Variants in LRRC53 observed in about 807,000 individuals in gnomAD.
The protein encoded by LRRC53 is leucine rich repeat containing 53.
Under a neutral mutation model 13.6 loss-of-function variants are expected in LRRC53, and 25 were observed. The observed-to-expected ratio is 1.83, with a 90% confidence interval of 1.34 to 2.56. LRRC53 has a LOEUF of 2.56. Ranked by LOEUF, LRRC53 falls within the 30% of genes most tolerant of loss-of-function variation. The pLI, the probability that LRRC53 is intolerant of heterozygous loss-of-function variation, is 0.00. For synonymous variants in LRRC53, 204 were observed against 109.8 expected (o/e 1.86, Z -5.37); for missense variants, 527 against 275.8 (o/e 1.91, Z -6.45).
intron 1 of LRRC53, among the ~76,000 whole-genome samples, chr1:74,486,225 G>GAGAGAGAGAC (rs1202403085): frequency 4.6e-5 from 7 of 151,916 alleles, no homozygotes; most frequent in Admixed American, 2.6e-4. Flanking sequence ...GAGAGAGAGA[G>GAGAGAGAGAC]AGAGAGAGGT....
At chr1:74,534,118 G>A in the LRRC53 span, among the ~76,000 whole-genome samples, 1 of 152,110 alleles carries the variant, frequency 6.6e-6, no homozygotes, top group Non-Finnish European at 1.5e-5. Context: ...AAGCTATAAA[G>A]CCTTCTGCAA....
intron 1 of LRRC53, among the ~76,000 whole-genome samples, chr1:74,489,930 G>T (rs187041828): frequency 6.6e-6 from 1 of 151,618 alleles, no homozygotes; most frequent in East Asian, 2.0e-4. Flanking sequence ...ACACATAGAG[G>T]ATCATATATG....
At chr1:74,505,952 G>A (rs574179817) in intron 1 of LRRC53, among the ~76,000 whole-genome samples, 106 of 152,254 alleles carry the variant, frequency 7.0e-4, no homozygotes, top group African/African-American at 2.4e-3. Flanking sequence ...TTGCCACCCT[G>A]ACTTCTCTTT....
chr1:74,521,516 G>GTATATATATATATATACACATATA, the LRRC53 span, among the ~76,000 whole-genome samples: 6 of 150,520 alleles, frequency 4.0e-5, no homozygotes, highest in Admixed American at 2.0e-4. Flanking sequence ...GTGTGTATGT[G>GTATATATATATATATACACATATA]TATATATATA....
In LRRC53 at chr1:74,480,516, G is replaced by A; in HGVS notation, c.541C>T (p.Pro181Ser). 1.4e-6 allele frequency: 1 copy of A among 717,504 alleles called. No homozygotes were observed. Among genetic ancestry groups the A allele is most frequent in the Non-Finnish European group, 2.6e-6 (1 of 385,100 alleles). The allele number at this position is 717,504 out of a possible 1,614,324, so 44.4% of individuals were successfully genotyped here. ...GAAAGGTCCACTTCCTGTAGTTGAG[G>A]CAGGGGCCGGAAGGCATCTTTCCCA... The part of the protein sequence containing the change: ...YIGKDAFRPL[P>S]QLQEVDLSRN... The change falls in exon 3 of 5, where the codon CCT becomes TCT. Residue 181 changes from proline (P) to serine (S), a missense_variant. By Grantham distance (74) the Pro-to-Ser change is moderately conservative (BLOSUM62 -1). Coordinates refer to ENST00000294635, the MANE Select transcript of LRRC53 (RefSeq NM_001382280.1).
intron 1 of LRRC53, among the ~76,000 whole-genome samples, chr1:74,486,373 T>A (rs1026381964): frequency 3.9e-5 from 6 of 152,092 alleles, no homozygotes; most frequent in Non-Finnish European, 7.4e-5. Context: ...TGTAGGAGGG[T>A]TGATCTAATA....
intron 1 of LRRC53, among the ~76,000 whole-genome samples, chr1:74,495,395 T>G (rs774140829): frequency 3.0e-4 from 46 of 152,236 alleles, no homozygotes; most frequent in Non-Finnish European, 5.7e-4. Flanking sequence ...TATCTAGCAG[T>G]ATGATTGGCA....
chr1:74,483,054 C>T (rs921099910), intron 2 of LRRC53, among the ~76,000 whole-genome samples: 2 of 152,170 alleles, frequency 1.3e-5, no homozygotes, highest in South Asian at 2.1e-4. Flanking sequence ...ACTCAGTTAC[C>T]TCTGAAGGTC....
In LRRC53 at chr1:74,491,964, C is replaced by T. The variant is rs1283199570; in HGVS notation, c.-26-8589G>A. The T allele has an allele frequency of 3.0e-6, 4 of 1,312,186 alleles. No homozygotes were observed. In the Admixed American group the frequency reaches 1.0e-4, roughly 34 times the overall value. 81.3% of individuals were successfully genotyped at this position (1,312,186 alleles called of 1,614,324 possible). ...CTAGACTTTTTCCTGAAAGGAAAAG[C>T]CAGGAGCAAGCTGAGTGAATAGAAA... On this transcript the variant is annotated intron_variant, in intron 1 of 4. Transcript: ENST00000294635.
At chr1:74,482,064 T>G (rs916614334) in intron 2 of LRRC53, among the ~76,000 whole-genome samples, 4 of 152,226 alleles carry the variant, frequency 2.6e-5, no homozygotes, top group Admixed American at 2.0e-4. Flanking sequence ...CATTTATGAT[T>G]GATTATTTGG....
intron 2 of LRRC53, among the ~76,000 whole-genome samples, chr1:74,481,833 G>T (rs1037058249): frequency 6.6e-6 from 1 of 152,176 alleles, no homozygotes; most frequent in African/African-American, 2.4e-5. Flanking sequence ...GTGTCATAAG[G>T]ATAGAGGAGT....
At chr1:74,533,347 C>A in the LRRC53 span, among the ~76,000 whole-genome samples, 1 of 152,196 alleles carries the variant, frequency 6.6e-6, no homozygotes, top group African/African-American at 2.4e-5. Flanking sequence ...AAATGCAAAT[C>A]AAAACCACAA....
At chr1:74,481,138 G>A (rs1232886341) in intron 2 of LRRC53, among the ~76,000 whole-genome samples, 170 bp from the exon 3 acceptor site, 1 of 152,116 alleles carries the variant, frequency 6.6e-6, no homozygotes, top group East Asian at 1.9e-4. Flanking sequence ...TTGAGGGGAA[G>A]CTGGCTATAT....
chr1:74,483,186 C>A, intron 2 of LRRC53, 76 bp downstream of exon 2: 1 of 697,104 alleles, frequency 1.4e-6, no homozygotes, highest in Non-Finnish European at 2.7e-6. Flanking sequence ...AGAGAACAGT[C>A]AGTACAATGA....
At chr1:74,495,528 C>T (rs1163198488) in intron 1 of LRRC53, among the ~76,000 whole-genome samples, 2 of 152,268 alleles carry the variant, frequency 1.3e-5, no homozygotes, top group Admixed American at 1.3e-4. Context: ...ACTATTTTCT[C>T]TTTTCTTTCC....
In LRRC53 at chr1:74,480,513, G is replaced by A. The variant is rs773049207; in HGVS notation, c.544C>T (p.Gln182Ter). 1.4e-6 allele frequency: 1 copy of A among 717,528 alleles called. No individual in the cohort carries two copies. The highest frequency in any genetic ancestry group is 1.5e-5 in the South Asian group (1 of 67,604). 44.4% of individuals were successfully genotyped at this position (717,528 alleles called of 1,614,324 possible). ...CGGGAAAGGTCCACTTCCTGTAGTT[G>A]AGGCAGGGGCCGGAAGGCATCTTTC... is the stretch of plus-strand genomic sequence containing the variant. The part of the protein sequence containing the change: ...IGKDAFRPLP[Q>*]LQEVDLSRNR... The change falls in exon 3 of 5, where the codon CAA (glutamine) becomes TAA (stop). Residue 182 changes from glutamine to a stop codon, truncating the protein, a stop_gained. Transcript: ENST00000294635. LOFTEE classifies it high-confidence loss of function.
Position 74,475,698 on chromosome 1 carries a change from G to A in LRRC53, c.1017C>T (p.Pro339=), listed in dbSNP as rs1183727533. 4.2e-6 allele frequency: 3 copies of A among 708,382 alleles called. No individual in the cohort carries two copies. The highest frequency in any genetic ancestry group is 2.7e-5 in the East Asian group (1 of 37,156). The allele number at this position is 708,382 out of a possible 1,614,324, so 43.9% of individuals were successfully genotyped here. Residue 339 remains proline (P), a synonymous_variant, in exon 4 of 5, where the codon CCC becomes CCT. Transcript: ENST00000294635. The part of the protein sequence containing the change: ...ENLCCRTFDE[P]LCAHEARNYH... ...AATTTCTTGCCTCATGAGCACACAG[G>A]GGTTCATCGAAGGTTCTGCAACAAA...
intron 1 of LRRC53, among the ~76,000 whole-genome samples, chr1:74,506,484 C>G (rs940908240): frequency 6.6e-6 from 1 of 152,150 alleles, no homozygotes; most frequent in African/African-American, 2.4e-5. Flanking sequence ...AAGAGAGCTG[C>G]TCTCATACTA....
chr1:74,485,833 T>C (rs933648292), intron 1 of LRRC53, among the ~76,000 whole-genome samples: 1 of 152,120 alleles, frequency 6.6e-6, no homozygotes, highest in African/African-American at 2.4e-5. Context: ...GGGCAACAGA[T>C]GGCAAGAAAA....
Sources: allele counts gnomAD v4.1 joint callset (sites outside exome capture counted in the v4.1 genomes callset), GRCh38; gene constraint gnomAD v4.1.1; transcripts MANE v1.5; gene names NCBI Gene and HGNC (gene_info 2026-07-23, HGNC 2026-07-21).